The following POU6F2 variants were observed in gnomAD, a reference collection of about 807,000 sequenced individuals.
POU6F2 encodes POU domain, class 6, transcription factor 2.
In POU6F2, 31 loss-of-function variants were observed where a neutral mutation model predicts 71.3. That is an observed-to-expected ratio of 0.43 (90% CI 0.33 to 0.59). The LOEUF (loss-of-function observed/expected upper bound fraction) is 0.59, where lower values mean the gene tolerates loss of function less well. POU6F2 is among the 20% of genes least tolerant of loss of function. POU6F2 has a pLI of 0.04. For synonymous variants in POU6F2, 347 were observed against 355.7 expected, an observed-to-expected ratio of 0.98 and a Z score of 0.27; for missense variants, 783 against 856.8, an observed-to-expected ratio of 0.91 and a Z score of 1.07.
chr7:39,328,602 A>G (rs1452652353), intron 4 of POU6F2, among the ~76,000 whole-genome samples: 1 of 152,236 alleles, frequency 6.6e-6, no homozygotes, highest in Non-Finnish European at 1.5e-5. Context: ...GATAGATTAT[A>G]AAACCAGAAT....
chr7:39,278,729 G>T (rs116433892), intron 4 of POU6F2, among the ~76,000 whole-genome samples: 1 of 152,084 alleles, frequency 6.6e-6, no homozygotes, highest in Non-Finnish European at 1.5e-5. Context: ...CACTCTTCAC[G>T]CTGGCATACA....
intron 5 of POU6F2, among the ~76,000 whole-genome samples, chr7:39,371,373 G>A (rs190397645): frequency 6.6e-5 from 10 of 152,146 alleles, no homozygotes; most frequent in African/African-American, 2.4e-4. Context: ...GTAGAGACAG[G>A]TTTCACCATG....
At chr7:39,339,077 A>ATT (rs3072124) in intron 4 of POU6F2, among the ~76,000 whole-genome samples, 1,913 of 139,812 alleles carry the variant, frequency 0.014, 46 homozygotes, top group African/African-American at 0.045. Context: ...CTGCTTTTGA[A>ATT]TTTTTAAAAA....
intron 2 of POU6F2, among the ~76,000 whole-genome samples, chr7:39,112,452 A>G (rs1244109836): frequency 2.6e-5 from 4 of 152,166 alleles, no homozygotes; most frequent in Admixed American, 2.0e-4. Context: ...CTATTGCTTG[A>G]TCACAGATAC....
chr7:39,004,883 C>T (rs1789015562), intron 1 of POU6F2, among the ~76,000 whole-genome samples: 1 of 152,114 alleles, frequency 6.6e-6, no homozygotes, highest in Admixed American at 6.6e-5. Context: ...TTGCCCTTTC[C>T]TGAGGATTCT....
chr7:39,380,366 T>C (rs1157161768), intron 5 of POU6F2, among the ~76,000 whole-genome samples: 1 of 152,184 alleles, frequency 6.6e-6, no homozygotes, highest in Admixed American at 6.6e-5. Flanking sequence ...GTAATTTGTG[T>C]TGGGTATCTG....
At chr7:39,048,360 C>A (rs1264171330) in intron 1 of POU6F2, among the ~76,000 whole-genome samples, 1 of 151,700 alleles carries the variant, frequency 6.6e-6, no homozygotes, top group Non-Finnish European at 1.5e-5. Flanking sequence ...TCACCCACCT[C>A]TCACCCTGCA....
intron 1 of POU6F2, chr7:39,005,265 C>T (rs148881977): frequency 1.1e-4 from 16 of 152,286 alleles, no homozygotes; most frequent in African/African-American, 3.1e-4. Flanking sequence ...CCAACTAGGT[C>T]GATGCTTCAT....
intron 4 of POU6F2, among the ~76,000 whole-genome samples, chr7:39,315,649 T>A (rs1785250749): frequency 6.6e-6 from 1 of 152,164 alleles, no homozygotes; most frequent in Non-Finnish European, 1.5e-5. Flanking sequence ...CCGTTCCCCT[T>A]TCTCCTTCAA....
chr7:39,340,645 G>C (rs560506611), intron 5 of POU6F2, among the ~76,000 whole-genome samples: 1 of 152,130 alleles, frequency 6.6e-6, no homozygotes, highest in South Asian at 2.1e-4. Flanking sequence ...ACTTCTATAG[G>C]TTTACTTTAT....
chr7:39,167,419 G>A (rs971613769), intron 2 of POU6F2, among the ~76,000 whole-genome samples: 1 of 151,654 alleles, frequency 6.6e-6, no homozygotes, highest in African/African-American at 2.4e-5. Context: ...TTTACCTTTG[G>A]GTCATTTGTA....
intron 5 of POU6F2, among the ~76,000 whole-genome samples, chr7:39,391,919 A>G: frequency 6.6e-6 from 1 of 152,214 alleles, no homozygotes; most frequent in Non-Finnish European, 1.5e-5. Context: ...AAAGGCCACT[A>G]GTCCCATTCC....
Position 39,339,948 on chromosome 7 carries a change from C to G in POU6F2, c.905C>G (p.Pro302Arg). The G allele has an allele frequency of 1.9e-6, 3 of 1,613,964 alleles. No homozygotes were observed. The highest frequency in any genetic ancestry group is 2.5e-6 in the Non-Finnish European group (3 of 1,179,868). ...CCAACCCAGCAGAGCTCCAGCCCCC[C>G]GCAGAAACCTAGTCAGTCTCCAGGA... ...PSPTQQSSSPPQKPSQSPGHG... is the reference protein window; with the variant it reads ...PSPTQQSSSPRQKPSQSPGHG... Residue 302 changes from proline (P) to arginine (R), a missense_variant, in exon 5 of 10, where the codon CCG (proline) becomes CGG (arginine). By Grantham distance (103) the Pro-to-Arg change is moderately radical (BLOSUM62 -2). This residue lies in a region of POU6F2 where 572 missense variants were observed against 572.9 expected (regional missense o/e 1.00). Transcript: ENST00000518318.
At chr7:38,986,602 A>G (rs1278158069) in intron 1 of POU6F2, among the ~76,000 whole-genome samples, 1 of 152,144 alleles carries the variant, frequency 6.6e-6, no homozygotes, top group East Asian at 1.9e-4. Context: ...CAATTCTTAT[A>G]TGCACGTGAT....
chr7:39,428,250 G>T (rs2116004986), intron 6 of POU6F2, among the ~76,000 whole-genome samples: 1 of 152,260 alleles, frequency 6.6e-6, no homozygotes, highest in African/African-American at 2.4e-5. Context: ...CTTATAATAT[G>T]AACTTTATTC....
intron 5 of POU6F2, among the ~76,000 whole-genome samples, chr7:39,383,182 C>G (rs1461985583): frequency 2.6e-5 from 4 of 152,164 alleles, no homozygotes; most frequent in East Asian, 3.9e-4. Flanking sequence ...TTTTCTACAA[C>G]AAATTTGTAC....
At chr7:38,990,769 A>G (rs896108550) in intron 1 of POU6F2, among the ~76,000 whole-genome samples, 1 of 151,970 alleles carries the variant, frequency 6.6e-6, no homozygotes, top group African/African-American at 2.4e-5. Flanking sequence ...CAGGGAGGGG[A>G]CATGGTCATT....
intron 1 of POU6F2, among the ~76,000 whole-genome samples, chr7:39,084,871 C>T (rs1791203231): frequency 6.6e-6 from 1 of 152,072 alleles, no homozygotes; most frequent in Non-Finnish European, 1.5e-5. Flanking sequence ...GCAAAAAGGG[C>T]ACTTCTTGCT....
intron 1 of POU6F2, among the ~76,000 whole-genome samples, chr7:39,038,353 T>G (rs1790110030): frequency 1.3e-5 from 2 of 152,100 alleles, no homozygotes; most frequent in African/African-American, 4.8e-5. Context: ...TTCTAAGGAA[T>G]TTAAACACTC....
Sources: gnomAD v4.1 joint callset for allele counts (sites outside exome capture counted in the v4.1 genomes callset) on GRCh38, gnomAD v4.1.1 for gene constraint, gnomAD v4.1.1 regional missense constraint, MANE v1.5 for transcripts, NCBI Gene and HGNC (gene_info 2026-07-23, HGNC 2026-07-21) for gene names.